The following MLLT10 variants were observed in gnomAD, a reference collection of about 807,000 sequenced individuals.
MLLT10 encodes protein AF-10.
In MLLT10, 30 loss-of-function variants were observed where a neutral mutation model predicts 129.1. That is an observed-to-expected ratio of 0.23 (90% CI 0.17 to 0.32). The LOEUF (loss-of-function observed/expected upper bound fraction) is 0.32, where lower values mean the gene tolerates loss of function less well. MLLT10 is among the 10% of genes least tolerant of loss of function. MLLT10 has a pLI of 1.00. For missense variants in MLLT10, 1,119 were observed against 1,268.3 expected (o/e 0.88, Z 1.79); for synonymous variants, 490 against 446.4 (o/e 1.10, Z -1.23).
intron 13 of MLLT10, among the ~76,000 whole-genome samples, chr10:21,697,776 A>G (rs1328356102): frequency 6.6e-6 from 1 of 152,220 alleles, no homozygotes; most frequent in Admixed American, 6.5e-5. Context: ...GATATATTCT[A>G]CAGTCTAGAA....
At chr10:21,663,340 G>A (rs2050404769) in intron 9 of MLLT10, among the ~76,000 whole-genome samples, 1 of 151,492 alleles carries the variant, frequency 6.6e-6, no homozygotes, top group Non-Finnish European at 1.5e-5. Flanking sequence ...ATTTGCTTAA[G>A]TAAGTTGTAA....
chr10:21,651,809 G>T, intron 9 of MLLT10, 41 bp downstream of exon 9: 1 of 1,300,226 alleles, frequency 7.7e-7, no homozygotes, highest in Non-Finnish European at 1.1e-6. Flanking sequence ...GTAATAAGTA[G>T]TTATTGTGCT....
chr10:21,704,329 T>TTCTCTCTC (rs1198146694), intron 13 of MLLT10, among the ~76,000 whole-genome samples: 379 of 120,988 alleles, frequency 3.1e-3, no homozygotes, highest in Middle Eastern at 0.013. Context: ...TCTTTTTAAA[T>TTCTCTCTC]TCTCTCTCTC....
At chr10:21,566,330 C>A (rs979153929) in intron 3 of MLLT10, among the ~76,000 whole-genome samples, 2 of 150,344 alleles carry the variant, frequency 1.3e-5, no homozygotes, top group Non-Finnish European at 1.5e-5. Context: ...GACTCCCCCC[C>A]ACCCCCTTTT....
chr10:21,714,048 T>C (rs906915582), intron 14 of MLLT10, 98 bp downstream of exon 14: 11 of 989,052 alleles, frequency 1.1e-5, no homozygotes, highest in African/African-American at 3.3e-5. Flanking sequence ...GGGCCTTCTA[T>C]AGGAATTTAT....
At chr10:21,606,341 A>G (rs1361664598) in intron 5 of MLLT10, among the ~76,000 whole-genome samples, 1 of 152,216 alleles carries the variant, frequency 6.6e-6, no homozygotes, top group Non-Finnish European at 1.5e-5. Context: ...TCCATCCTGC[A>G]GTCTGTGGAT....
intron 16 of MLLT10, among the ~76,000 whole-genome samples, chr10:21,728,968 T>A (rs1261249886): frequency 6.6e-6 from 1 of 152,020 alleles, no homozygotes; most frequent in African/African-American, 2.4e-5. Context: ...AAGGAACATC[T>A]TCTTTATCCT....
intron 3 of MLLT10, among the ~76,000 whole-genome samples, 160 bp from the exon 4 acceptor site, chr10:21,586,134 C>G (rs1229807271): frequency 1.3e-5 from 2 of 152,164 alleles, no homozygotes; most frequent in Non-Finnish European, 2.9e-5. Flanking sequence ...CACATGTCAT[C>G]AAGAACAACT....
At position 21,599,028 on chromosome 10, in the gene MLLT10, A is replaced by C. The variant is rs186301210; in HGVS notation, c.405+3588A>C. Among the ~76,000 whole-genome samples, 560 of 152,042 alleles carry C rather than the reference A, an allele frequency of 3.7e-3. 19 individuals are homozygous for C. The highest frequency in any genetic ancestry group is 8.5e-4 in the Non-Finnish European group (58 of 68,002). On this transcript the variant is annotated intron_variant, in intron 5 of 22. Transcript: ENST00000307729. ...CCCCGTCTCTACTAAAAAATACAAAAATTAGCCGGGTGTAGTAGCAGGCGC... is the reference window on the plus strand; with the variant it reads ...CCCCGTCTCTACTAAAAAATACAAACATTAGCCGGGTGTAGTAGCAGGCGC...
rs1393025496 is a variant in MLLT10 at position 21,717,912 on chromosome 10, T to TC, written c.1878+3963dup. The stretch of plus-strand genomic sequence containing the variant: ...TTCTCCTCCTCCTCCTCCTCCTCCT[T>TC]CTCCTTCTCCTTCTTCTTCTCCTTC... On this transcript the variant is annotated intron_variant, in intron 14 of 22. Coordinates refer to ENST00000307729, the MANE Select transcript of MLLT10 (RefSeq NM_001195626.3). Among the ~76,000 whole-genome samples the TC allele has an allele frequency of 3.5e-5, 3 of 86,800 alleles. No individual in the cohort carries two copies. The East Asian group carries it at 1.1e-3, about 32-fold the overall frequency. 56.9% of individuals were successfully genotyped at this position (86,800 alleles called of 152,430 possible).
intron 13 of MLLT10, among the ~76,000 whole-genome samples, chr10:21,683,842 G>T (rs1298067049): frequency 6.6e-6 from 1 of 151,888 alleles, no homozygotes; most frequent in African/African-American, 2.4e-5. Flanking sequence ...CGCCTCCTGG[G>T]TTCTCCCAGG....
chr10:21,635,925 C>CTTTTT (rs530505484), intron 8 of MLLT10, among the ~76,000 whole-genome samples: 2 of 111,526 alleles, frequency 1.8e-5, no homozygotes, highest in Non-Finnish European at 3.7e-5. Context: ...TGCACCTGGC[C>CTTTTT]TTTTTTTTTT....
At chr10:21,609,963 G>A (rs1402006431) in intron 5 of MLLT10, among the ~76,000 whole-genome samples, 1 of 152,058 alleles carries the variant, frequency 6.6e-6, no homozygotes, top group African/African-American at 2.4e-5. Context: ...CTCTAAGCCT[G>A]TTAAAAAACA....
intron 8 of MLLT10, among the ~76,000 whole-genome samples, chr10:21,641,449 G>T (rs1248557560): frequency 6.6e-6 from 1 of 152,152 alleles, no homozygotes; most frequent in Non-Finnish European, 1.5e-5. Context: ...GATTTATTTG[G>T]CTGTATAGAT....
At chr10:21,624,844 G>T in intron 8 of MLLT10, 1 of 1,096,272 alleles carries the variant, frequency 9.1e-7, no homozygotes, top group Non-Finnish European at 1.4e-6. Flanking sequence ...CTCTGCTGTT[G>T]TGCAGGACCC....
At chr10:21,667,059 T>A (rs2050878027) in intron 9 of MLLT10, among the ~76,000 whole-genome samples, 1 of 152,174 alleles carries the variant, frequency 6.6e-6, no homozygotes, top group African/African-American at 2.4e-5. Context: ...AAGCCTTTAT[T>A]TTGTATTTGT....
At chr10:21,559,872 T>G (rs1244927740) in intron 3 of MLLT10, among the ~76,000 whole-genome samples, 1 of 152,222 alleles carries the variant, frequency 6.6e-6, no homozygotes, top group Admixed American at 6.5e-5. Flanking sequence ...AAACTTGGGT[T>G]GTTTCTACCT....
intron 3 of MLLT10, among the ~76,000 whole-genome samples, chr10:21,576,361 G>T (rs1252538790): frequency 6.6e-6 from 1 of 151,278 alleles, no homozygotes; most frequent in East Asian, 1.9e-4. Context: ...TCCTGCCTCA[G>T]CCTCCCGAGT....
At chr10:21,669,675 A>G (rs1444237036) in intron 9 of MLLT10, among the ~76,000 whole-genome samples, 2 of 152,200 alleles carry the variant, frequency 1.3e-5, no homozygotes, top group Non-Finnish European at 2.9e-5. Flanking sequence ...ATGGTGATTA[A>G]TGTGCATCTG....
Sources: allele counts gnomAD v4.1 joint callset (sites outside exome capture counted in the v4.1 genomes callset), GRCh38; gene constraint gnomAD v4.1.1; transcripts MANE v1.5; gene names NCBI Gene and HGNC (gene_info 2026-07-23, HGNC 2026-07-21).